Variants in FSTL4 observed in about 807,000 individuals in gnomAD.
The protein encoded by FSTL4 is follistatin-related protein 4.
A neutral mutation model predicts 78.2 loss-of-function variants in FSTL4; 28 were observed. That is an observed-to-expected ratio of 0.36 (90% CI 0.27 to 0.49). FSTL4 has a LOEUF of 0.49. Among genes scored for constraint, FSTL4 ranks in the 20% least tolerant of loss-of-function variants. FSTL4 has a pLI of 0.98. For synonymous variants in FSTL4, 422 were observed against 440.5 expected, an observed-to-expected ratio of 0.96 and a Z score of 0.53; for missense variants, 922 against 1,084.9, an observed-to-expected ratio of 0.85 and a Z score of 2.11.
chr5:133,505,879 A>G (rs1258635390), intron 3 of FSTL4, among the ~76,000 whole-genome samples: 1 of 152,214 alleles, frequency 6.6e-6, no homozygotes, highest in Non-Finnish European at 1.5e-5. Flanking sequence ...GCAAGATAAA[A>G]TCCAATCAAC....
At chr5:133,335,271 G>A (rs1754437652) in intron 4 of FSTL4, among the ~76,000 whole-genome samples, 1 of 152,136 alleles carries the variant, frequency 6.6e-6, no homozygotes, top group Non-Finnish European at 1.5e-5. Flanking sequence ...AATGTGTAAG[G>A]CCTGAGGAGC....
chr5:133,764,534 A>G, the FSTL4 span, among the ~76,000 whole-genome samples: 2 of 152,156 alleles, frequency 1.3e-5, no homozygotes, highest in East Asian at 3.9e-4. Context: ...AATCCAAAGA[A>G]AAGCCCTAGA....
intron 3 of FSTL4, among the ~76,000 whole-genome samples, chr5:133,564,748 C>T (rs1449773379): frequency 2.0e-5 from 3 of 152,196 alleles, no homozygotes; most frequent in Non-Finnish European, 4.4e-5. Context: ...GAAAGCTAGA[C>T]AGCATGACAT....
At chr5:133,475,589 C>T (rs142835767) in intron 3 of FSTL4, among the ~76,000 whole-genome samples, 208 of 152,316 alleles carry the variant, frequency 1.4e-3, no homozygotes, top group Admixed American at 2.0e-3. Context: ...GCACTTAACT[C>T]GTTATTTCTG....
chr5:133,421,799 T>C (rs559747311), intron 3 of FSTL4, among the ~76,000 whole-genome samples: 1 of 152,288 alleles, frequency 6.6e-6, no homozygotes, highest in African/African-American at 2.4e-5. Context: ...AGATACCTAT[T>C]GAGTGTGTGC....
chr5:133,274,952 C>T (rs1298972595), intron 6 of FSTL4, among the ~76,000 whole-genome samples: 4 of 152,118 alleles, frequency 2.6e-5, no homozygotes, highest in Admixed American at 1.3e-4. Flanking sequence ...AATGCAGTTC[C>T]CTTTGTTTAA....
chr5:133,385,515 C>T (rs1041946588), intron 4 of FSTL4, among the ~76,000 whole-genome samples: 13 of 152,160 alleles, frequency 8.5e-5, no homozygotes, highest in Admixed American at 2.0e-4. Context: ...GGCTCCTGGT[C>T]CCCCTAGAAC....
At chr5:133,836,249 C>A in the FSTL4 span, among the ~76,000 whole-genome samples, 18 of 152,012 alleles carry the variant, frequency 1.2e-4, no homozygotes, top group East Asian at 3.5e-3. Flanking sequence ...GTTTCTTTTT[C>A]TTACCTCTTT....
intron 4 of FSTL4, among the ~76,000 whole-genome samples, chr5:133,363,863 C>T (rs1432322216): frequency 1.3e-5 from 2 of 152,190 alleles, no homozygotes. Context: ...CAGCTTTGTG[C>T]AGGCCCTCTC....
upstream of FSTL4, among the ~76,000 whole-genome samples, chr5:133,617,169 C>G (rs374102760): frequency 5.9e-5 from 9 of 151,942 alleles, no homozygotes; most frequent in African/African-American, 2.2e-4. Context: ...CATGGTGGCA[C>G]GCGCCTATAG....
intron 4 of FSTL4, among the ~76,000 whole-genome samples, chr5:133,381,345 C>T (rs1375577115): frequency 6.6e-6 from 1 of 152,158 alleles, no homozygotes; most frequent in African/African-American, 2.4e-5. Flanking sequence ...GACTATACCC[C>T]ATATGAACTA....
At chr5:133,541,302 C>T (rs1338120998) in intron 3 of FSTL4, among the ~76,000 whole-genome samples, 1 of 152,188 alleles carries the variant, frequency 6.6e-6, no homozygotes, top group Admixed American at 6.5e-5. Context: ...TGGCATTCTT[C>T]TCTTTTCAGG....
the FSTL4 span, among the ~76,000 whole-genome samples, chr5:133,727,673 A>G: frequency 6.6e-6 from 1 of 152,246 alleles, no homozygotes; most frequent in East Asian, 1.9e-4. Flanking sequence ...AAAGCAGGAC[A>G]CAGATTTTTG....
chr5:133,207,566 G>C (rs1407875954), intron 14 of FSTL4, among the ~76,000 whole-genome samples: 3 of 152,120 alleles, frequency 2.0e-5, no homozygotes, highest in Non-Finnish European at 4.4e-5. Flanking sequence ...AACATTCTCT[G>C]TATCCTCTCT....
chr5:133,256,145 G>A (rs1027072046), intron 6 of FSTL4, among the ~76,000 whole-genome samples: 4 of 152,118 alleles, frequency 2.6e-5, no homozygotes, highest in African/African-American at 7.2e-5. Context: ...ACTGAGCCTC[G>A]GAGGGCAAAC....
chr5:133,829,117 T>C, the FSTL4 span, among the ~76,000 whole-genome samples: 2 of 152,172 alleles, frequency 1.3e-5, no homozygotes, highest in African/African-American at 4.8e-5. Flanking sequence ...CAGCTTGGCA[T>C]GGTGCCTCAC....
intron 4 of FSTL4, among the ~76,000 whole-genome samples, chr5:133,377,134 A>C (rs895944994): frequency 6.6e-6 from 1 of 152,140 alleles, no homozygotes; most frequent in Non-Finnish European, 1.5e-5. Flanking sequence ...GTGGAGACTA[A>C]ATTCCAGGCA....
intron 3 of FSTL4, among the ~76,000 whole-genome samples, chr5:133,551,740 T>G (rs533803628): frequency 1.4e-3 from 214 of 152,354 alleles, no homozygotes; most frequent in African/African-American, 4.6e-3. Flanking sequence ...GGACCAAATA[T>G]ATAAATTAGA....
chr5:133,281,966 G>C (rs1753019153), intron 6 of FSTL4, among the ~76,000 whole-genome samples: 1 of 152,160 alleles, frequency 6.6e-6, no homozygotes. Flanking sequence ...CCTATCAGGT[G>C]GGTGGAACTG....
Sources: allele counts gnomAD v4.1 joint callset (sites outside exome capture counted in the v4.1 genomes callset), GRCh38; gene constraint gnomAD v4.1.1; transcripts MANE v1.5; gene names NCBI Gene and HGNC (gene_info 2026-07-23, HGNC 2026-07-21).